The following TXNDC16 variants were observed in gnomAD, a reference collection of about 807,000 sequenced individuals.
The protein encoded by TXNDC16 is thioredoxin domain containing 16.
TXNDC16 carries 74 observed loss-of-function variants against 85.6 expected under a neutral mutation model. The ratio of observed to expected loss-of-function variants is 0.86; its 90% CI spans 0.72 to 1.05. The LOEUF is 1.05. Ranked by LOEUF, TXNDC16 falls within the 50% of genes least tolerant of loss-of-function variation. The pLI, the probability that TXNDC16 is intolerant of heterozygous loss-of-function variation, is 0.00. For missense variants in TXNDC16, 959 were observed against 947.0 expected, an observed-to-expected ratio of 1.01 and a Z score of -0.17; for synonymous variants, 335 against 326.5, an observed-to-expected ratio of 1.03 and a Z score of -0.28.
chr14:52,448,513 G>A (rs554656355), intron 18 of TXNDC16, among the ~76,000 whole-genome samples: 7 of 152,084 alleles, frequency 4.6e-5, no homozygotes, highest in African/African-American at 9.6e-5. Flanking sequence ...CATCAACACC[G>A]GATCTGTCCT....
chr14:52,475,600 C>T (rs1161005160), intron 14 of TXNDC16, among the ~76,000 whole-genome samples: 2 of 152,048 alleles, frequency 1.3e-5, no homozygotes, highest in Middle Eastern at 3.2e-3. Flanking sequence ...AGCCATAATC[C>T]TCTTAGGAAC....
intron 6 of TXNDC16, among the ~76,000 whole-genome samples, chr14:52,535,135 G>A (rs2140220211): frequency 6.6e-6 from 1 of 152,212 alleles, no homozygotes; most frequent in Middle Eastern, 3.4e-3. Flanking sequence ...CCATTTCTGG[G>A]TCAAAGATAG....
chr14:52,491,496 C>T (rs1439767334), intron 9 of TXNDC16, among the ~76,000 whole-genome samples: 1 of 151,584 alleles, frequency 6.6e-6, no homozygotes, highest in East Asian at 1.9e-4. Context: ...TCGTGCCTGG[C>T]CCCCTATAAG....
intron 1 of TXNDC16, among the ~76,000 whole-genome samples, chr14:52,545,342 T>C (rs1197868756): frequency 3.3e-5 from 5 of 152,210 alleles, no homozygotes; most frequent in South Asian, 2.1e-4. Flanking sequence ...GTGAAAGCAC[T>C]GTGCTTTTAA....
In TXNDC16 at chr14:52,462,471, T is replaced by C. The variant is rs375846976; in HGVS notation, c.1619-5297A>G. Among the ~76,000 whole-genome samples, 36 of 152,328 alleles carry C rather than the reference T, an allele frequency of 2.4e-4. 1 individual carries two copies. Among genetic ancestry groups the C allele is most frequent in the African/African-American group, 8.2e-4 (34 of 41,582 alleles). On this transcript the variant is annotated intron_variant, in intron 16 of 20. Transcript: ENST00000281741. Reference sequence around the variant, plus strand: ...CTGGAATTACAGGCACATGCCACCATGCCTGGCTAATTTTTGTATTTTTAG... The same window carrying C: ...CTGGAATTACAGGCACATGCCACCACGCCTGGCTAATTTTTGTATTTTTAG...
intron 4 of TXNDC16, among the ~76,000 whole-genome samples, chr14:52,538,948 T>G (rs545955152): frequency 6.6e-6 from 1 of 152,272 alleles, no homozygotes; most frequent in Admixed American, 6.5e-5. Context: ...TAAATTTTAA[T>G]ATATGTAATT....
intron 7 of TXNDC16, among the ~76,000 whole-genome samples, chr14:52,518,008 G>A (rs1239849888): frequency 2.0e-5 from 3 of 152,102 alleles, no homozygotes; most frequent in Non-Finnish European, 4.4e-5. Context: ...ATGGCCACTT[G>A]GCACTTCTGA....
At chr14:52,479,808 C>G (rs907001759) in intron 14 of TXNDC16, among the ~76,000 whole-genome samples, 1 of 152,034 alleles carries the variant, frequency 6.6e-6, no homozygotes, top group African/African-American at 2.4e-5. Flanking sequence ...CTTCACAGAA[C>G]TAGAAAAAAC....
intron 4 of TXNDC16, among the ~76,000 whole-genome samples, chr14:52,539,421 C>T (rs2037778500): frequency 1.3e-5 from 2 of 152,120 alleles, no homozygotes; most frequent in Admixed American, 6.6e-5. Flanking sequence ...GTATTAAGAA[C>T]GAACTGAACA....
At chr14:52,520,540 G>A (rs1254783408) in intron 6 of TXNDC16, among the ~76,000 whole-genome samples, 1 of 152,140 alleles carries the variant, frequency 6.6e-6, no homozygotes, top group African/African-American at 2.4e-5. Context: ...AACCCGGGAG[G>A]AGGAGTTTGC....
intron 6 of TXNDC16, among the ~76,000 whole-genome samples, chr14:52,535,934 G>C (rs2037690266): frequency 2.6e-5 from 4 of 152,078 alleles, no homozygotes; most frequent in Admixed American, 1.3e-4. Context: ...TGAGGTGGGA[G>C]GATCGCTTGA....
At position 52,511,398 on chromosome 14, in the gene TXNDC16, T is replaced by C; in HGVS notation, c.606-8A>G. 6.4e-7 allele frequency: 1 copy of C among 1,550,850 alleles called. No homozygotes were observed. The highest frequency in any genetic ancestry group is 8.8e-7 in the Non-Finnish European group (1 of 1,139,874). On this transcript the variant is annotated splice_region_variant and splice_polypyrimidine_tract_variant and intron_variant, in intron 8 of 20. Transcript: ENST00000281741. ...TATTCCACATCCTCAGAGCTACAAA[T>C]TAAAAATTAATTAACTTAATGAAGT...
intron 14 of TXNDC16, among the ~76,000 whole-genome samples, chr14:52,479,504 T>C (rs971108842): frequency 6.6e-6 from 1 of 151,998 alleles, no homozygotes; most frequent in African/African-American, 2.4e-5. Flanking sequence ...TCAATAGCTC[T>C]TCTATACACC....
intron 1 of TXNDC16, among the ~76,000 whole-genome samples, chr14:52,551,909 C>G (rs1025096133): frequency 6.6e-6 from 1 of 152,154 alleles, no homozygotes; most frequent in African/African-American, 2.4e-5. Context: ...AAAACTTAAG[C>G]CCAGAGCATC....
At position 52,547,641 on chromosome 14, in the gene TXNDC16, T is replaced by C. The variant is rs527809750; in HGVS notation, c.-181-3270A>G. On this transcript the variant is annotated intron_variant, in intron 1 of 20. Coordinates refer to ENST00000281741, the MANE Select transcript of TXNDC16 (RefSeq NM_020784.3). Reference sequence around the variant, plus strand: ...GCTACAATCTAGAGTCTGGTGTGTGTTTTCCATTCTTCCTCTCTCCAAACA... The same window carrying C: ...GCTACAATCTAGAGTCTGGTGTGTGCTTTCCATTCTTCCTCTCTCCAAACA... Among the ~76,000 whole-genome samples the C allele has an allele frequency of 3.9e-5, 6 of 152,282 alleles. No homozygotes were observed. In the East Asian group the frequency reaches 9.6e-4, roughly 24 times the overall value.
intron 3 of TXNDC16, among the ~76,000 whole-genome samples, chr14:52,543,094 C>T (rs980317354): frequency 6.6e-6 from 1 of 151,984 alleles, no homozygotes; most frequent in African/African-American, 2.4e-5. Context: ...GTAGCTAACT[C>T]TTATCTAGTA....
chr14:52,535,837 A>C (rs2037687747), intron 6 of TXNDC16, among the ~76,000 whole-genome samples: 1 of 152,118 alleles, frequency 6.6e-6, no homozygotes, highest in Non-Finnish European at 1.5e-5. Context: ...CAGCTGGGAT[A>C]AGAAGAAAGC....
intron 9 of TXNDC16, among the ~76,000 whole-genome samples, chr14:52,493,807 C>A (rs1252644693): frequency 1.3e-5 from 2 of 151,832 alleles, no homozygotes; most frequent in African/African-American, 4.8e-5. Flanking sequence ...AAGATAGAGT[C>A]TTGCTCTCTC....
chr14:52,499,433 A>G (rs1001125971), intron 9 of TXNDC16, among the ~76,000 whole-genome samples: 1 of 152,154 alleles, frequency 6.6e-6, no homozygotes, highest in Non-Finnish European at 1.5e-5. Flanking sequence ...TAATTCAATA[A>G]CAAAACAAAT....
Sources: gnomAD v4.1 joint callset for allele counts (sites outside exome capture counted in the v4.1 genomes callset) on GRCh38, gnomAD v4.1.1 for gene constraint, MANE v1.5 for transcripts, NCBI Gene and HGNC (gene_info 2026-07-23, HGNC 2026-07-21) for gene names.